Variants in PHF21A observed in about 807,000 individuals in gnomAD.
PHF21A encodes BHC80a.
In PHF21A, 11 loss-of-function variants were observed where a neutral mutation model predicts 82.5. That is an observed-to-expected ratio of 0.13 (90% CI 0.08 to 0.22). PHF21A has a LOEUF of 0.22. Among genes scored for constraint, PHF21A ranks in the 10% least tolerant of loss-of-function variants. The pLI is 1.00. For synonymous variants in PHF21A, 297 were observed against 302.8 expected (o/e 0.98, Z 0.20); for missense variants, 579 against 837.8 (o/e 0.69, Z 3.81).
Position 45,950,295 on chromosome 11 carries a change from T to C in PHF21A, c.1096-38A>G, listed in dbSNP as rs762354962. 1.9e-6 allele frequency: 3 copies of C among 1,593,560 alleles called. No individual in the cohort carries two copies. In the South Asian group the frequency reaches 3.3e-5, roughly 18 times the overall value. ...AACAAAAGAAGAATATGCTTCAGTC[T>C]GGGTTCTCACAAAGCCAATTGCCAG... On this transcript the variant is annotated intron_variant, in intron 11 of 18. Transcript: ENST00000676320.
intron 6 of PHF21A, among the ~76,000 whole-genome samples, chr11:46,009,459 G>A (rs2095367600): frequency 6.6e-6 from 1 of 152,124 alleles, no homozygotes; most frequent in Non-Finnish European, 1.5e-5. Flanking sequence ...CCAAGTGTCT[G>A]AACCATACAA....
chr11:46,059,636 G>A (rs974746928), intron 6 of PHF21A, among the ~76,000 whole-genome samples: 1 of 151,744 alleles, frequency 6.6e-6, no homozygotes, highest in African/African-American at 2.4e-5. Flanking sequence ...TGGTGCCTAG[G>A]TTGGTCTCAA....
intron 6 of PHF21A, among the ~76,000 whole-genome samples, chr11:46,027,347 G>C (rs2095768217): frequency 6.6e-6 from 1 of 152,152 alleles, no homozygotes; most frequent in South Asian, 2.1e-4. Context: ...ACATGTATAA[G>C]GGGTTTAACA....
At chr11:46,027,738 C>T (rs2095780188) in intron 6 of PHF21A, among the ~76,000 whole-genome samples, 1 of 152,210 alleles carries the variant, frequency 6.6e-6, no homozygotes. Flanking sequence ...AAGCTACTGT[C>T]CCAGGAATCA....
At chr11:46,047,570 T>C (rs1236790115) in intron 6 of PHF21A, among the ~76,000 whole-genome samples, 1 of 152,156 alleles carries the variant, frequency 6.6e-6, no homozygotes, top group Admixed American at 6.6e-5. Context: ...GTGAATGACT[T>C]TTCTAGTCAC....
chr11:45,972,503 C>T lies in PHF21A; in HGVS notation c.361-1136G>A, dbSNP rs145712083. On this transcript the variant is annotated intron_variant, in intron 7 of 18. Transcript: ENST00000676320. The stretch of plus-strand genomic sequence containing the variant: ...TTTAAAAGGAAATTAATTGGCCAGG[C>T]GCAGTGGCTCACACATGTAATCCCA... Among the ~76,000 whole-genome samples the T allele has an allele frequency of 9.2e-3, 1,399 of 152,294 alleles. 23 individuals are homozygous for T. The highest frequency in any genetic ancestry group is 0.032 in the African/African-American group (1,333 of 41,554).
At chr11:46,091,752 T>C (rs1054737438) in intron 2 of PHF21A, among the ~76,000 whole-genome samples, 1 of 152,216 alleles carries the variant, frequency 6.6e-6, no homozygotes, top group East Asian at 1.9e-4. Flanking sequence ...TCTCGTTTTG[T>C]TGCCAGCTTC....
chr11:45,997,339 CAGA>C (rs910482787), intron 6 of PHF21A, among the ~76,000 whole-genome samples: 23 of 152,222 alleles, frequency 1.5e-4, no homozygotes, highest in Admixed American at 6.5e-5. Context: ...ACCCAAATAT[CAGA>C]AGTGTACTTG....
chr11:46,007,894 T>C (rs1471539175), intron 6 of PHF21A, among the ~76,000 whole-genome samples: 1 of 152,222 alleles, frequency 6.6e-6, no homozygotes, highest in Non-Finnish European at 1.5e-5. Context: ...TTTAAAAAGG[T>C]ACAGGATCTA....
At chr11:45,971,759 T>C (rs970603329) in intron 7 of PHF21A, among the ~76,000 whole-genome samples, 3 of 152,034 alleles carry the variant, frequency 2.0e-5, no homozygotes, top group Non-Finnish European at 4.4e-5. Flanking sequence ...TAGTTGCAAA[T>C]CAATGAGGTA....
intron 1 of PHF21A, among the ~76,000 whole-genome samples, chr11:46,105,746 A>G (rs2097146092): frequency 6.6e-6 from 1 of 152,224 alleles, no homozygotes; most frequent in Non-Finnish European, 1.5e-5. Context: ...CAAATTTTAC[A>G]TTTAAAAAGC....
At position 45,988,246 on chromosome 11, in the gene PHF21A, T is replaced by C. The variant is rs924999713; in HGVS notation, c.154-8280A>G. On this transcript the variant is annotated intron_variant, in intron 6 of 18. Coordinates refer to ENST00000676320, the MANE Select transcript of PHF21A (RefSeq NM_001352027.3). ...TAACAGATTATTTAACCAAATTCTATGCAGAATACATCCACTAAGAAATAG... is the reference window on the plus strand; with the variant it reads ...TAACAGATTATTTAACCAAATTCTACGCAGAATACATCCACTAAGAAATAG... Among the ~76,000 whole-genome samples, 8 of 152,322 alleles carry C rather than the reference T, an allele frequency of 5.3e-5. No individual in the cohort carries two copies. The South Asian group carries it at 6.2e-4, about 12-fold the overall frequency.
At chr11:45,999,929 G>A (rs1228969089) in intron 6 of PHF21A, among the ~76,000 whole-genome samples, 1 of 152,222 alleles carries the variant, frequency 6.6e-6, no homozygotes, top group Non-Finnish European at 1.5e-5. Context: ...TCTGTGCTAA[G>A]AGAAAGTCGC....
intron 1 of PHF21A, chr11:46,117,098 C>G (rs1851551326): frequency 6.6e-6 from 1 of 152,206 alleles, no homozygotes. Flanking sequence ...TTACCTATCT[C>G]AACAACTTAA....
intron 6 of PHF21A, among the ~76,000 whole-genome samples, chr11:46,015,483 A>C (rs2095498666): frequency 3.3e-5 from 5 of 152,056 alleles, no homozygotes; most frequent in Admixed American, 3.3e-4. Flanking sequence ...AGATTTTAAA[A>C]ATTTATTTCT....
chr11:46,076,853 T>C, intron 5 of PHF21A, 34 bp from the exon 6 acceptor site: 4 of 1,535,054 alleles, frequency 2.6e-6, no homozygotes, highest in Non-Finnish European at 2.7e-6. Context: ...GTGAGAAAGA[T>C]ATTTCATTTG....
chr11:45,990,126 TAC>T (rs1482017779), intron 6 of PHF21A, among the ~76,000 whole-genome samples: 2 of 152,146 alleles, frequency 1.3e-5, no homozygotes, highest in Admixed American at 6.6e-5. Flanking sequence ...CACAAATATT[TAC>T]AGTCTTCACA....
At chr11:46,100,204 G>T (rs374485340) in intron 1 of PHF21A, among the ~76,000 whole-genome samples, 8 of 151,990 alleles carry the variant, frequency 5.3e-5, no homozygotes, top group African/African-American at 1.9e-4. Context: ...ATTAATGCTA[G>T]CCTTTAAGAC....
intron 6 of PHF21A, among the ~76,000 whole-genome samples, chr11:45,985,166 G>GA (rs1041783812): frequency 5.9e-5 from 9 of 151,652 alleles, no homozygotes; most frequent in South Asian, 2.1e-4. Flanking sequence ...ACTCAAAGAG[G>GA]AAAAAAAAGA....
Sources: gnomAD v4.1 joint callset for allele counts (sites outside exome capture counted in the v4.1 genomes callset) on GRCh38, gnomAD v4.1.1 for gene constraint, MANE v1.5 for transcripts, NCBI Gene and HGNC (gene_info 2026-07-23, HGNC 2026-07-21) for gene names.